Variants in HAPLN1 observed in about 807,000 individuals in gnomAD.
HAPLN1 encodes Cartilage link protein.
HAPLN1 carries 13 observed loss-of-function variants against 36.5 expected under a neutral mutation model. The observed-to-expected ratio is 0.36, with a 90% CI of 0.23 to 0.57. The LOEUF is 0.57. Ranked by LOEUF, HAPLN1 falls within the 20% of genes least tolerant of loss-of-function variation. The pLI, the probability that HAPLN1 is intolerant of heterozygous loss-of-function variation, is 0.83. For synonymous variants in HAPLN1, 202 were observed against 169.8 expected, an observed-to-expected ratio of 1.19 and a Z score of -1.48; for missense variants, 407 against 439.7, an observed-to-expected ratio of 0.93 and a Z score of 0.66.
chr5:83,715,298 A>G (rs1216847542), intron 1 of HAPLN1, among the ~76,000 whole-genome samples: 1 of 152,246 alleles, frequency 6.6e-6, no homozygotes, highest in East Asian at 1.9e-4. Context: ...TCACAATTAA[A>G]TGTAGTCAAG....
At position 83,709,841 on chromosome 5, in the gene HAPLN1, A is replaced by T. The variant is rs1751735226; in HGVS notation, c.-27+10948T>A. Among the ~76,000 whole-genome samples, 3 of 152,332 alleles carry T rather than the reference A, an allele frequency of 2.0e-5. No homozygotes were observed. In the East Asian group the frequency reaches 5.8e-4, roughly 29 times the overall value. On this transcript the variant is annotated intron_variant, in intron 1 of 4. Transcript: ENST00000274341. ...GAAAGTAACAAGATGGGAGACATAG[A>T]GACTGATGGGTGAGGTTTGCAGGAA...
At chr5:83,692,207 GA>G (rs2112621072) in intron 1 of HAPLN1, among the ~76,000 whole-genome samples, 1 of 151,708 alleles carries the variant, frequency 6.6e-6, no homozygotes, top group African/African-American at 2.4e-5. Flanking sequence ...AGAAGGGGCA[GA>G]AAAAAATTTG....
chr5:83,719,497 A>G (rs1453275655), intron 1 of HAPLN1, among the ~76,000 whole-genome samples: 1 of 152,236 alleles, frequency 6.6e-6, no homozygotes, highest in Non-Finnish European at 1.5e-5. Context: ...TGGGTGGTAT[A>G]AAAGTGACTA....
chr5:83,653,786 C>A (rs1750141425), intron 2 of HAPLN1, among the ~76,000 whole-genome samples: 1 of 152,242 alleles, frequency 6.6e-6, no homozygotes, highest in Non-Finnish European at 1.5e-5. Flanking sequence ...TACATACCAG[C>A]TGTTATTTTC....
chr5:83,645,586 C>T (rs1380349112), intron 3 of HAPLN1, among the ~76,000 whole-genome samples: 1 of 148,684 alleles, frequency 6.7e-6, no homozygotes, highest in South Asian at 2.2e-4. Context: ...ATATTGGATA[C>T]CCCTGCTAAA....
At position 83,655,517 on chromosome 5, in the gene HAPLN1, G is replaced by T. The variant is rs370531112; in HGVS notation, c.101-2693C>A. On this transcript the variant is annotated intron_variant, in intron 2 of 4. Coordinates refer to ENST00000274341, the MANE Select transcript of HAPLN1 (RefSeq NM_001884.4). The stretch of plus-strand genomic sequence containing the variant: ...ATTCTACCATTCTCATTCACTTTGG[G>T]GTGTGTGTGTGTGTGTGTGTGTGTG... Among the ~76,000 whole-genome samples the T allele has an allele frequency of 2.1e-3, 306 of 147,872 alleles. 2 individuals are homozygous for T. Among genetic ancestry groups the T allele is most frequent in the Non-Finnish European group, 3.8e-3 (257 of 66,798 alleles).
In HAPLN1 at chr5:83,641,782, C is replaced by T. The variant is rs555462462; in HGVS notation, c.779G>A (p.Arg260His). ...GGTGGGGTGGATCAGATAGTAAAAA[C>T]GGCCTGTAGAGAAAAGGAGACAGAG... ...VFCFTSNFNG[R>H]FYYLIHPTKL... The change falls in exon 5 of 5, where the codon CGT (arginine) becomes CAT (histidine). Residue 260 changes from arginine to histidine, a missense_variant. Arg to His is a conservative substitution (Grantham distance 29, BLOSUM62 0). Coordinates refer to ENST00000274341, the MANE Select transcript of HAPLN1 (RefSeq NM_001884.4). The T allele has an allele frequency of 1.6e-5, 26 of 1,612,470 alleles. No homozygotes were observed. The East Asian group carries it at 4.0e-4, about 25-fold the overall frequency.
chr5:83,655,600 G>A lies in HAPLN1; in HGVS notation c.101-2776C>T, dbSNP rs539492542. Among the ~76,000 whole-genome samples the A allele has an allele frequency of 3.9e-4, 60 of 151,968 alleles. 1 individual carries two copies. Among genetic ancestry groups the A allele is most frequent in the African/African-American group, 1.4e-3 (60 of 41,428 alleles). On this transcript the variant is annotated intron_variant, in intron 2 of 4. Coordinates refer to ENST00000274341, the MANE Select transcript of HAPLN1 (RefSeq NM_001884.4). ...TGAAATTCAAAGAACCCTAGCAAAG[G>A]TATGTAACATATTTAGTGACTAAGG...
chr5:83,682,762 C>G (rs1751036997), intron 1 of HAPLN1, among the ~76,000 whole-genome samples: 1 of 152,180 alleles, frequency 6.6e-6, no homozygotes, highest in Non-Finnish European at 1.5e-5. Flanking sequence ...GACCTCTAAG[C>G]TCATTAAATT....
At chr5:83,652,316 C>T (rs1750088570) in intron 3 of HAPLN1, 137 bp downstream of exon 3, 7 of 837,214 alleles carry the variant, frequency 8.4e-6, no homozygotes, top group Admixed American at 2.7e-5. Context: ...CTGTAGAATA[C>T]AAAAGAATAA....
intron 1 of HAPLN1, among the ~76,000 whole-genome samples, chr5:83,687,758 A>C (rs1751166707): frequency 6.6e-6 from 1 of 152,152 alleles, no homozygotes; most frequent in Admixed American, 6.6e-5. Context: ...TCCTTCATTT[A>C]CATATTGGGG....
intron 3 of HAPLN1, among the ~76,000 whole-genome samples, chr5:83,648,254 T>C (rs1379655692): frequency 2.0e-5 from 3 of 151,442 alleles, no homozygotes; most frequent in Non-Finnish European, 4.4e-5. Flanking sequence ...CCAACTCACA[T>C]GGAGGTCAGT....
At position 83,641,719 on chromosome 5, in the gene HAPLN1, T is replaced by C. The variant is rs6864342; in HGVS notation, c.842A>G (p.Asn281Ser). Residue 281 changes from asparagine to serine, a missense_variant, in exon 5 of 5, where the codon AAT (asparagine) becomes AGT (serine). Asn to Ser is a conservative substitution (Grantham distance 46, BLOSUM62 1). Coordinates refer to ENST00000274341, the MANE Select transcript of HAPLN1 (RefSeq NM_001884.4). ...CACTTTTGCAATCTGAGCACCATCA[T>C]TGAGACAAGCTTGCACCGCTTCATC... Reference protein sequence around the residue: ...TYDEAVQACLNDGAQIAKVGQ... With the variant: ...TYDEAVQACLSDGAQIAKVGQ... 26,681 of 1,614,064 alleles carry C rather than the reference T, an allele frequency of 0.017. 1,542 individuals are homozygous for C. In the African/African-American group the frequency reaches 0.19, roughly 12 times the overall value.
At position 83,638,006 on chromosome 5, in the gene HAPLN1, T is replaced by C. The variant is rs1749565103; in HGVS notation, c.*3490A>G. The stretch of plus-strand genomic sequence containing the variant: ...TACTATAGTTGATTTAGCGACACCA[T>C]ATAAATGCTCTTTTTTTTTTTTTGA... On this transcript the variant is annotated 3_prime_UTR_variant, in exon 5 of 5. Transcript: ENST00000274341. 7.1e-6 allele frequency: 1 copy of C among 141,152 alleles called. No individual in the cohort carries two copies. The highest frequency in any genetic ancestry group is 2.0e-4 in the East Asian group (1 of 4,882). The allele number at this position is 141,152 out of a possible 1,614,324, so 8.7% of individuals were successfully genotyped here. A position where few individuals can be genotyped will look rare whatever the true frequency, so the allele number is the denominator to read the frequency against.
At chr5:83,651,320 T>C (rs554403180) in intron 3 of HAPLN1, among the ~76,000 whole-genome samples, 5 of 152,286 alleles carry the variant, frequency 3.3e-5, no homozygotes, top group East Asian at 3.9e-4. Context: ...CTTTGATAAA[T>C]AGTTTCAATT....
chr5:83,656,686 T>C (rs1750227858), intron 2 of HAPLN1, among the ~76,000 whole-genome samples: 1 of 152,286 alleles, frequency 6.6e-6, no homozygotes, highest in South Asian at 2.1e-4. Flanking sequence ...GACAATGACT[T>C]GAAAGATCTG....
chr5:83,688,981 G>A (rs1229721291), intron 1 of HAPLN1, among the ~76,000 whole-genome samples: 1 of 152,134 alleles, frequency 6.6e-6, no homozygotes, highest in Non-Finnish European at 1.5e-5. Flanking sequence ...GCTCCGTATT[G>A]AGGCTTAAGT....
rs1749704225 is a variant in HAPLN1 at position 83,641,672 on chromosome 5, T to C, written c.889A>G (p.Lys297Glu). Residue 297 changes from lysine (K) to glutamate (E), a missense_variant, in exon 5 of 5, where the codon AAA (lysine) becomes GAA (glutamate). Coordinates refer to ENST00000274341, the MANE Select transcript of HAPLN1 (RefSeq NM_001884.4). ...TCACAGCGGTCATATCCGAGAATTT[T>C]CCAGGCAGCAAATATCTGGCCCACT... is the stretch of plus-strand genomic sequence containing the variant. ...AKVGQIFAAW[K>E]ILGYDRCDAG... The C allele has an allele frequency of 6.2e-7, 1 of 1,614,094 alleles. No individual in the cohort carries two copies. Among genetic ancestry groups the C allele is most frequent in the Non-Finnish European group, 8.5e-7 (1 of 1,180,052 alleles).
intron 1 of HAPLN1, among the ~76,000 whole-genome samples, chr5:83,708,140 G>A (rs187979284): frequency 5.1e-4 from 78 of 152,314 alleles, no homozygotes; most frequent in Admixed American, 1.2e-3. Context: ...CAAACATTGC[G>A]GAAAGCAGTA....
Sources: gnomAD v4.1 joint callset for allele counts (sites outside exome capture counted in the v4.1 genomes callset) on GRCh38, gnomAD v4.1.1 for gene constraint, MANE v1.5 for transcripts, NCBI Gene and HGNC (gene_info 2026-07-23, HGNC 2026-07-21) for gene names.